The following MAGI2 variants were observed in gnomAD, a reference collection of about 807,000 sequenced individuals.
MAGI2 encodes the protein membrane-associated guanylate kinase, WW and PDZ domain-containing protein 2.
A neutral mutation model predicts 133.3 loss-of-function variants in MAGI2; 35 were observed. The ratio of observed to expected loss-of-function variants is 0.26; its 90% CI spans 0.20 to 0.35. The LOEUF (loss-of-function observed/expected upper bound fraction) is 0.35. Among genes scored for constraint, MAGI2 ranks in the 10% least tolerant of loss-of-function variants. The pLI, the probability that MAGI2 is intolerant of heterozygous loss-of-function variation, is 1.00. For synonymous variants in MAGI2, 729 were observed against 710.6 expected, an observed-to-expected ratio of 1.03 and a Z score of -0.41; for missense variants, 1,636 against 1,863.4, an observed-to-expected ratio of 0.88 and a Z score of 2.25.
intron 1 of MAGI2, among the ~76,000 whole-genome samples, chr7:79,151,810 A>C (rs967271864): frequency 2.6e-5 from 4 of 152,192 alleles, no homozygotes; most frequent in Non-Finnish European, 4.4e-5. Context: ...TATAAAAATG[A>C]AAACTACTTC....
intron 1 of MAGI2, among the ~76,000 whole-genome samples, chr7:79,366,515 C>T (rs1199147394): frequency 7.2e-5 from 11 of 151,930 alleles, no homozygotes; most frequent in Admixed American, 5.2e-4. Flanking sequence ...AGCTAATAAA[C>T]GTTATAGTAC....
Position 78,160,187 on chromosome 7 carries a change from T to C in MAGI2, c.2683A>G (p.Asn895Asp). The C allele has an allele frequency of 6.2e-7, 1 of 1,612,628 alleles. No individual in the cohort carries two copies. The highest frequency in any genetic ancestry group is 8.5e-7 in the Non-Finnish European group (1 of 1,179,290). Residue 895 changes from asparagine to aspartate, a missense_variant, in exon 16 of 22, where the codon AAC (asparagine) becomes GAC (aspartate). Around this residue, in one of 5 missense-constraint regions of MAGI2, gnomAD observed 920 missense variants for 1,093.5 expected, o/e 0.84. Coordinates refer to ENST00000354212, the MANE Select transcript of MAGI2 (RefSeq NM_012301.4). ...SPRSDYATYT[N>D]SNHAAPSSNA... is the part of the protein sequence containing the mutation. ...CTACTGGGGGCAGCGTGGTTGCTGT[T>C]GGTGTAGGTTGCGTAGTCACTGCGT...
chr7:78,101,986 T>A (rs532909077), intron 20 of MAGI2, among the ~76,000 whole-genome samples: 39 of 152,182 alleles, frequency 2.6e-4, no homozygotes, highest in African/African-American at 7.9e-4. Context: ...GTGAATTTTT[T>A]AAAAAAATGG....
intron 2 of MAGI2, among the ~76,000 whole-genome samples, chr7:78,910,676 G>A (rs1475965999): frequency 6.6e-6 from 1 of 152,090 alleles, no homozygotes; most frequent in Non-Finnish European, 1.5e-5. Context: ...GTGGGAAAAC[G>A]GTACTGGTTA....
chr7:79,375,731 G>T (rs1390602869), intron 1 of MAGI2, among the ~76,000 whole-genome samples: 3 of 151,852 alleles, frequency 2.0e-5, no homozygotes, highest in Non-Finnish European at 4.4e-5. Flanking sequence ...GTGATTAAAA[G>T]ATGAATAATA....
At chr7:78,859,198 G>A (rs2151496339) in intron 2 of MAGI2, among the ~76,000 whole-genome samples, 1 of 152,112 alleles carries the variant, frequency 6.6e-6, no homozygotes, top group African/African-American at 2.4e-5. Context: ...TACCCAATTT[G>A]CCCATCTATG....
At chr7:78,501,498 T>TTTCCACGTC in intron 5 of MAGI2, 79 bp downstream of exon 5, 1 of 1,254,480 alleles carries the variant, frequency 8.0e-7, no homozygotes, top group South Asian at 1.3e-5. Context: ...TTTTTTTTTT[T>TTTCCACGTC]TCCACGTCTA....
At chr7:78,639,524 T>C (rs1810049898) in intron 2 of MAGI2, among the ~76,000 whole-genome samples, 2 of 152,352 alleles carry the variant, frequency 1.3e-5, no homozygotes, top group East Asian at 1.9e-4. Context: ...ATTTATCTTA[T>C]GTTCACGATA....
chr7:79,230,566 GT>G (rs1190932651), intron 1 of MAGI2, among the ~76,000 whole-genome samples: 2 of 151,416 alleles, frequency 1.3e-5, no homozygotes, highest in East Asian at 1.9e-4. Flanking sequence ...TTTTTCATGT[GT>G]TTTTTGGCTG....
chr7:78,527,503 T>C lies in MAGI2; in HGVS notation c.539-5858A>G, dbSNP rs552812415. Reference sequence around the variant, plus strand: ...TGAAACGATTTCAACGAATTTAAACTGTTTCCTTTTTTGTACCTCCAGTCT... The same window carrying C: ...TGAAACGATTTCAACGAATTTAAACCGTTTCCTTTTTTGTACCTCCAGTCT... On this transcript the variant is annotated intron_variant, in intron 3 of 21. Coordinates refer to ENST00000354212, the MANE Select transcript of MAGI2 (RefSeq NM_012301.4). 5.3e-5 allele frequency among the ~76,000 whole-genome samples: 8 copies of C among 152,348 alleles called. No homozygotes were observed. The East Asian group carries it at 1.3e-3, about 26-fold the overall frequency.
At chr7:78,160,317 G>C (rs781078551) in intron 15 of MAGI2, 44 bp from the exon 16 acceptor site, 1 of 1,520,366 alleles carries the variant, frequency 6.6e-7, no homozygotes, top group Admixed American at 2.0e-5. Context: ...CCTTACAAGG[G>C]TCTCAATGAA....
rs2151186859 is a variant in MAGI2, at chr7:78,079,043, C to T, written c.3610G>A (p.Asp1204Asn). Residue 1204 changes from aspartate to asparagine, a missense_variant, in exon 21 of 22, where the codon GAC becomes AAC. Asp to Asn is a conservative substitution (Grantham distance 23). This residue lies in a region of MAGI2 where 49 missense variants were observed against 103.8 expected (regional missense o/e 0.47). Coordinates refer to ENST00000354212, the MANE Select transcript of MAGI2 (RefSeq NM_012301.4). ...IIEINGESTR[D>N]MTHARAIELI... ...TCTATTGCTCTGGCATGTGTCATGTCCCTTGTGCTTTCCCCATTGATTTCA... is the reference window on the plus strand; with the variant it reads ...TCTATTGCTCTGGCATGTGTCATGTTCCTTGTGCTTTCCCCATTGATTTCA... 1 of 1,613,790 alleles carries T rather than the reference C, an allele frequency of 6.2e-7. No homozygotes were observed. The highest frequency in any genetic ancestry group is 1.3e-5 in the African/African-American group (1 of 75,002).
intron 2 of MAGI2, among the ~76,000 whole-genome samples, chr7:78,672,035 A>C (rs1305416162): frequency 6.6e-6 from 1 of 152,186 alleles, no homozygotes; most frequent in East Asian, 1.9e-4. Context: ...TGTAAGGCCC[A>C]AAATGCATTT....
intron 9 of MAGI2, among the ~76,000 whole-genome samples, chr7:78,299,956 T>G (rs1212441622): frequency 6.6e-6 from 1 of 152,202 alleles, no homozygotes; most frequent in African/African-American, 2.4e-5. Context: ...AAAATTTTTC[T>G]TTTTCATCAT....
At position 79,364,168 on chromosome 7, in the gene MAGI2, AAC is replaced by A. The variant is rs762015203; in HGVS notation, c.301+88850_301+88851del. Among the ~76,000 whole-genome samples the A allele has an allele frequency of 4.6e-5, 7 of 152,142 alleles. No individual in the cohort carries two copies. In the East Asian group the frequency reaches 1.2e-3, roughly 25 times the overall value. On this transcript the variant is annotated intron_variant, in intron 1 of 21. Coordinates refer to ENST00000354212, the MANE Select transcript of MAGI2 (RefSeq NM_012301.4). Reference sequence around the variant, plus strand: ...TGTAAATTAGACAGCCATTATAAAAAACAGTACAGAGGTTGCTTTTCTCAAAA... The same window carrying A: ...TGTAAATTAGACAGCCATTATAAAAAAGTACAGAGGTTGCTTTTCTCAAAA...
intron 6 of MAGI2, among the ~76,000 whole-genome samples, chr7:78,438,074 T>C (rs888378030): frequency 6.6e-6 from 1 of 152,166 alleles, no homozygotes; most frequent in African/African-American, 2.4e-5. Flanking sequence ...GGTGGCAGTG[T>C]ACACATGGTG....
chr7:78,299,192 G>A (rs1269120760), intron 9 of MAGI2, among the ~76,000 whole-genome samples: 2 of 152,114 alleles, frequency 1.3e-5, no homozygotes, highest in Non-Finnish European at 2.9e-5. Context: ...ATAACGTATG[G>A]CAAATTCTGA....
chr7:78,451,798 T>C (rs1292116395), intron 6 of MAGI2, among the ~76,000 whole-genome samples: 1 of 152,132 alleles, frequency 6.6e-6, no homozygotes, highest in African/African-American at 2.4e-5. Context: ...ATCAGGGCTT[T>C]TGATACACAA....
At chr7:79,308,851 A>G (rs1337611100) in intron 1 of MAGI2, among the ~76,000 whole-genome samples, 2 of 152,198 alleles carry the variant, frequency 1.3e-5, no homozygotes, top group East Asian at 3.8e-4. Flanking sequence ...AAATCAGAAA[A>G]TAGTAGAAAC....
Sources: allele counts gnomAD v4.1 joint callset (sites outside exome capture counted in the v4.1 genomes callset), GRCh38; gene constraint gnomAD v4.1.1; regional missense constraint gnomAD v4.1.1; transcripts MANE v1.5; gene names NCBI Gene and HGNC (gene_info 2026-07-23, HGNC 2026-07-21).